TOPAZ1: variants seen among roughly 807,000 people sequenced by gnomAD.
TOPAZ1 encodes protein TOPAZ1.
A neutral mutation model predicts 172.2 loss-of-function variants in TOPAZ1; 66 were observed. The observed-to-expected ratio is 0.38, with a 90% CI of 0.31 to 0.47. TOPAZ1 has a LOEUF of 0.47. Ranked by LOEUF, TOPAZ1 falls within the 20% of genes least tolerant of loss-of-function variation. TOPAZ1 has a pLI of 0.99. For synonymous variants in TOPAZ1, 681 were observed against 683.9 expected (o/e 1.00, Z 0.07); for missense variants, 1,822 against 1,972.4 (o/e 0.92, Z 1.44).
intron 12 of TOPAZ1, among the ~76,000 whole-genome samples, chr3:44,292,038 A>AT (rs1454186593): frequency 6.6e-6 from 1 of 152,172 alleles, no homozygotes; most frequent in African/African-American, 2.4e-5. Context: ...ACATAGGCTT[A>AT]TTTAACAAGC....
At chr3:44,319,817 T>C (rs1700489875) in intron 16 of TOPAZ1, among the ~76,000 whole-genome samples, 1 of 152,234 alleles carries the variant, frequency 6.6e-6, no homozygotes, top group African/African-American at 2.4e-5. Flanking sequence ...ACTAAAAGCT[T>C]TCTTTTGTCA....
At position 44,243,584 on chromosome 3, in the gene TOPAZ1, T is replaced by C. The variant is rs1002673424; in HGVS notation, c.1078T>C (p.Leu360=). The part of the protein sequence containing the change: ...SNEYNKSELM[L]QENQMIADGK... ...TGAGTATAACAAGTCTGAGTTGATG[T>C]TGCAAGAAAATCAAATGATTGCTGA... The change falls in exon 2 of 20, where the codon TTG becomes CTG. Residue 360 remains leucine (L), a synonymous_variant. Coordinates refer to ENST00000309765, the MANE Select transcript of TOPAZ1 (RefSeq NM_001145030.2). 3 of 1,550,822 alleles carry C rather than the reference T, an allele frequency of 1.9e-6. No homozygotes were observed. In the African/African-American group the frequency reaches 4.1e-5, roughly 21 times the overall value.
intron 6 of TOPAZ1, among the ~76,000 whole-genome samples, chr3:44,268,246 G>C (rs1002762176): frequency 6.6e-6 from 1 of 151,964 alleles, no homozygotes; most frequent in African/African-American, 2.4e-5. Context: ...GTTCTAGAAG[G>C]GTTCATTTTC....
intron 13 of TOPAZ1, 116 bp downstream of exon 13, chr3:44,304,197 C>A: frequency 1.8e-6 from 1 of 552,612 alleles, no homozygotes; most frequent in Non-Finnish European, 3.1e-6. Context: ...GGCTGTTATA[C>A]AGAGAAAATG....
Position 44,287,214 on chromosome 3 carries a change from AT to A in TOPAZ1, c.3437-171del, listed in dbSNP as rs778113632. On this transcript the variant is annotated intron_variant, in intron 9 of 19. Transcript: ENST00000309765. ...TTGGTTGACTTCAAATATTATTGCC[AT>A]TTTGACTTTTGCTTTAATTTTCATC... Among the ~76,000 whole-genome samples the A allele has an allele frequency of 3.3e-5, 5 of 152,304 alleles. No individual in the cohort carries two copies. In the South Asian group the frequency reaches 1.0e-3, roughly 32 times the overall value.
At chr3:44,333,504 G>A (rs1339524208), downstream of TOPAZ1, among the ~76,000 whole-genome samples, 1 of 152,164 alleles carries the variant, frequency 6.6e-6, no homozygotes, top group Non-Finnish European at 1.5e-5. Flanking sequence ...CCTAAGAAAG[G>A]AATTAGAGAA....
In TOPAZ1 at chr3:44,243,146, T is replaced by C. The variant is rs1243479375; in HGVS notation, c.640T>C (p.Leu214=). The C allele has an allele frequency of 6.5e-7, 1 of 1,549,788 alleles. No homozygotes were observed. Among genetic ancestry groups the C allele is most frequent in the Non-Finnish European group, 8.7e-7 (1 of 1,146,038 alleles). ...TACTCCAAAATATTCTTGTAATATC[T>C]TGTCACCTGAAGTAGAAAATAATTC... ...KNTPKYSCNI[L]SPEVENNSVL... is the part of the protein sequence containing the mutation. Residue 214 remains leucine (L), a synonymous_variant, in exon 2 of 20, where the codon TTG becomes CTG. Transcript: ENST00000309765.
Position 44,290,753 on chromosome 3 carries a change from T to A in TOPAZ1, c.3682-18T>A. On this transcript the variant is annotated intron_variant, in intron 11 of 19. Transcript: ENST00000309765. ...ACATTTTTGTAAGAATAACCACTCTTTCTTTTCTCTTCTACAGCTTGTTGA... is the reference window on the plus strand; with the variant it reads ...ACATTTTTGTAAGAATAACCACTCTATCTTTTCTCTTCTACAGCTTGTTGA... 1 of 1,494,656 alleles carries A rather than the reference T, an allele frequency of 6.7e-7. No homozygotes were observed. The highest frequency in any genetic ancestry group is 9.1e-7 in the Non-Finnish European group (1 of 1,103,750). 92.6% of individuals were successfully genotyped at this position (1,494,656 alleles called of 1,614,324 possible). A position where few individuals can be genotyped will look rare whatever the true frequency, so the allele number is the denominator to read the frequency against.
At chr3:44,332,766 T>G (rs1346969847), downstream of TOPAZ1, among the ~76,000 whole-genome samples, 2 of 150,874 alleles carry the variant, frequency 1.3e-5, no homozygotes, top group South Asian at 2.1e-4. Flanking sequence ...GTGAATAAGG[T>G]GAGTAATAAG....
chr3:44,298,624 C>T (rs1415936712), intron 12 of TOPAZ1, among the ~76,000 whole-genome samples: 3 of 151,304 alleles, frequency 2.0e-5, no homozygotes, highest in African/African-American at 7.3e-5. Context: ...CTAATATGTT[C>T]AATTGATTTT....
At chr3:44,257,862 G>C (rs946068369) in intron 4 of TOPAZ1, among the ~76,000 whole-genome samples, 4 of 151,990 alleles carry the variant, frequency 2.6e-5, no homozygotes, top group African/African-American at 4.8e-5. Context: ...TCACCACAAA[G>C]ATATCCCTTA....
chr3:44,255,316 G>A (rs1309241141), intron 3 of TOPAZ1, among the ~76,000 whole-genome samples: 2 of 152,060 alleles, frequency 1.3e-5, no homozygotes, highest in East Asian at 1.9e-4. Context: ...AATGAAATAT[G>A]TATTTAAGCT....
At position 44,270,762 on chromosome 3, in the gene TOPAZ1, G is replaced by A. The variant is rs1364556599; in HGVS notation, c.3324G>A (p.Glu1108=). 2 of 1,550,906 alleles carry A rather than the reference G, an allele frequency of 1.3e-6. No individual in the cohort carries two copies. The highest frequency in any genetic ancestry group is 1.7e-6 in the Non-Finnish European group (2 of 1,146,582). Residue 1108 remains glutamate (E), a synonymous_variant, in exon 8 of 20, where the codon GAG becomes GAA. Coordinates refer to ENST00000309765, the MANE Select transcript of TOPAZ1 (RefSeq NM_001145030.2). ...ATTTTAATACATTACGTGGCTGTGA[G>A]CGACCACTGTGCAAGTTTGCTCATG... ...KFHFNTLRGC[E]RPLCKFAHVP... is the part of the protein sequence containing the mutation.
chr3:44,265,155 A>G (rs1406384343), intron 5 of TOPAZ1, among the ~76,000 whole-genome samples: 2 of 152,266 alleles, frequency 1.3e-5, no homozygotes, highest in Non-Finnish European at 2.9e-5. Flanking sequence ...AGAAATCACT[A>G]TCCATGGCAG....
In TOPAZ1 at chr3:44,321,087, G is replaced by C. The variant is rs1395077033; in HGVS notation, c.4367G>C (p.Arg1456Pro). The change falls in exon 17 of 20, where the codon CGA becomes CCA. Residue 1456 changes from arginine (R) to proline (P), a missense_variant. This residue lies in a region of TOPAZ1 where 333 missense variants were observed against 481.7 expected (regional missense o/e 0.69). Coordinates refer to ENST00000309765, the MANE Select transcript of TOPAZ1 (RefSeq NM_001145030.2). ...WPCDRLDVLN[R>P]HNLLCTIAHE... is the part of the protein sequence containing the mutation. ...TGTGATAGACTGGATGTGCTTAATC[G>C]ACATAATTTACTCTGTACAATTGCA... 2 of 1,550,178 alleles carry C rather than the reference G, an allele frequency of 1.3e-6. No individual in the cohort carries two copies. The highest frequency in any genetic ancestry group is 1.7e-6 in the Non-Finnish European group (2 of 1,146,050).
intron 18 of TOPAZ1, 38 bp from the exon 19 acceptor site, chr3:44,328,212 G>A (rs1700624477): frequency 1.5e-6 from 2 of 1,359,364 alleles, no homozygotes; most frequent in African/African-American, 1.5e-5. Flanking sequence ...TTACCTATTG[G>A]GTTTTAGTAA....
At chr3:44,309,310 G>GCT (rs1700370508) in intron 15 of TOPAZ1, among the ~76,000 whole-genome samples, 1 of 152,000 alleles carries the variant, frequency 6.6e-6, no homozygotes, top group South Asian at 2.1e-4. Context: ...GGTAGGGCAG[G>GCT]GGTTTCACCA....
chr3:44,263,848 T>C (rs971819780), intron 5 of TOPAZ1, among the ~76,000 whole-genome samples: 1 of 152,240 alleles, frequency 6.6e-6, no homozygotes, highest in African/African-American at 2.4e-5. Context: ...ATTATTTTTC[T>C]AGATAAGTAG....
chr3:44,314,178 CG>C (rs1365929815), intron 16 of TOPAZ1, among the ~76,000 whole-genome samples: 1 of 152,146 alleles, frequency 6.6e-6, no homozygotes, highest in African/African-American at 2.4e-5. Flanking sequence ...CTGCCCACCT[CG>C]GCCTCCCAAA....
Sources: allele counts gnomAD v4.1 joint callset (sites outside exome capture counted in the v4.1 genomes callset), GRCh38; gene constraint gnomAD v4.1.1; regional missense constraint gnomAD v4.1.1; transcripts MANE v1.5; gene names NCBI Gene and HGNC (gene_info 2026-07-23, HGNC 2026-07-21).